The following TTC29 variants were observed in gnomAD, a reference collection of about 807,000 sequenced individuals.
TTC29 encodes the protein tetratricopeptide repeat protein 29.
Under a neutral mutation model 58.1 loss-of-function variants are expected in TTC29, and 49 were observed. That is an observed-to-expected ratio of 0.84 (90% confidence interval 0.67 to 1.07). TTC29 has a LOEUF of 1.07. TTC29 is among the 50% of genes least tolerant of loss of function. TTC29 has a pLI of 0.00. For synonymous variants in TTC29, 209 were observed against 196.8 expected (o/e 1.06, Z -0.52); for missense variants, 582 against 555.6 (o/e 1.05, Z -0.48).
intron 8 of TTC29, among the ~76,000 whole-genome samples, chr4:146,836,858 G>A (rs563611494): frequency 2.0e-5 from 3 of 152,194 alleles, no homozygotes; most frequent in African/African-American, 7.2e-5. Context: ...TGCTGGCAAA[G>A]GTTGTGGAGA....
intron 10 of TTC29, among the ~76,000 whole-genome samples, chr4:146,804,075 A>C (rs939372302): frequency 1.3e-5 from 2 of 152,140 alleles, no homozygotes; most frequent in Admixed American, 6.5e-5. Context: ...AGTGTTAGAC[A>C]GTGGGTGCAG....
intron 2 of TTC29, among the ~76,000 whole-genome samples, chr4:146,943,168 GCTTT>G (rs1482274886): frequency 5.1e-5 from 4 of 79,058 alleles, no homozygotes; most frequent in Admixed American, 1.7e-4. Context: ...GATCAACTGT[GCTTT>G]TTTTTTTTTT....
At chr4:146,745,471 T>C (rs897509507) in intron 11 of TTC29, among the ~76,000 whole-genome samples, 1 of 152,200 alleles carries the variant, frequency 6.6e-6, no homozygotes, top group Non-Finnish European at 1.5e-5. Flanking sequence ...GTGCAGCAAA[T>C]AAAGTTTGGC....
At chr4:146,801,688 A>G (rs749981840) in intron 11 of TTC29, among the ~76,000 whole-genome samples, 3 of 152,142 alleles carry the variant, frequency 2.0e-5, no homozygotes, top group Non-Finnish European at 4.4e-5. Context: ...ATAAAGAAAA[A>G]CAAAAGAGCA....
intron 4 of TTC29, among the ~76,000 whole-genome samples, chr4:146,933,539 G>A (rs1735509862): frequency 6.6e-6 from 1 of 152,204 alleles, no homozygotes; most frequent in East Asian, 1.9e-4. Flanking sequence ...CAGAAGTACA[G>A]AAACTCTTCG....
At chr4:146,794,962 G>T (rs1037128446) in intron 11 of TTC29, among the ~76,000 whole-genome samples, 1 of 152,016 alleles carries the variant, frequency 6.6e-6, no homozygotes, top group African/African-American at 2.4e-5. Flanking sequence ...CATATTAGAG[G>T]TTAATAAATG....
At chr4:146,831,313 G>A (rs1365640944) in intron 9 of TTC29, among the ~76,000 whole-genome samples, 1 of 152,000 alleles carries the variant, frequency 6.6e-6, no homozygotes, top group Non-Finnish European at 1.5e-5. Flanking sequence ...GGCCCAGGCT[G>A]GTCTCAAACT....
intron 10 of TTC29, among the ~76,000 whole-genome samples, chr4:146,809,770 G>A (rs1468966032): frequency 2.0e-5 from 3 of 149,932 alleles, no homozygotes; most frequent in Non-Finnish European, 3.0e-5. Context: ...AACAACAGAT[G>A]CCGGAGAGAA....
chr4:146,755,821 A>T (rs1746400850), intron 11 of TTC29, among the ~76,000 whole-genome samples: 1 of 152,116 alleles, frequency 6.6e-6, no homozygotes, highest in Non-Finnish European at 1.5e-5. Context: ...ACAAAGTATG[A>T]CCCAAAACCA....
At chr4:146,850,559 C>T (rs554115631) in intron 8 of TTC29, among the ~76,000 whole-genome samples, 29 of 152,220 alleles carry the variant, frequency 1.9e-4, no homozygotes, top group Admixed American at 1.8e-3. Flanking sequence ...AATGACTTGC[C>T]CAAGGCCAAG....
intron 4 of TTC29, among the ~76,000 whole-genome samples, chr4:146,936,270 C>T (rs1735810200): frequency 6.6e-6 from 1 of 152,124 alleles, no homozygotes; most frequent in South Asian, 2.1e-4. Context: ...AATTTTTCTT[C>T]AGCCTGCACT....
intron 11 of TTC29, among the ~76,000 whole-genome samples, chr4:146,730,554 A>T (rs1744251310): frequency 6.6e-6 from 1 of 152,200 alleles, no homozygotes; most frequent in African/African-American, 2.4e-5. Context: ...TCACTTTAAC[A>T]GTTAAGGTTC....
chr4:146,776,290 A>G (rs1180690516), intron 11 of TTC29, among the ~76,000 whole-genome samples: 3 of 152,180 alleles, frequency 2.0e-5, no homozygotes, highest in Non-Finnish European at 1.5e-5. Context: ...TATTTCTGTC[A>G]TTTCAACCTT....
chr4:146,751,119 T>C (rs922692575), intron 11 of TTC29, among the ~76,000 whole-genome samples: 3 of 152,174 alleles, frequency 2.0e-5, no homozygotes, highest in African/African-American at 7.2e-5. Flanking sequence ...GATACAAAGA[T>C]GGTCACTATT....
At chr4:146,731,803 G>A (rs999532375) in intron 11 of TTC29, among the ~76,000 whole-genome samples, 1 of 152,200 alleles carries the variant, frequency 6.6e-6, no homozygotes, top group Non-Finnish European at 1.5e-5. Context: ...AGCAGGAAAT[G>A]CTGACACTTG....
intron 11 of TTC29, among the ~76,000 whole-genome samples, chr4:146,723,257 A>T (rs1399669705): frequency 6.6e-6 from 1 of 152,126 alleles, no homozygotes; most frequent in African/African-American, 2.4e-5. Flanking sequence ...AAAAAAAAAA[A>T]ATTAAATGTA....
chr4:146,873,087 C>T (rs1310770246), intron 7 of TTC29, among the ~76,000 whole-genome samples: 3 of 152,122 alleles, frequency 2.0e-5, no homozygotes, highest in African/African-American at 7.2e-5. Context: ...TGATGCTACA[C>T]TTGTGCATTA....
chr4:146,945,114 A>G (rs1736806494), intron 1 of TTC29, 37 bp from the exon 2 acceptor site: 1 of 152,224 alleles, frequency 6.6e-6, no homozygotes, highest in Non-Finnish European at 1.5e-5. Context: ...AGCAAAGAAG[A>G]AAAATTTAAA....
chr4:146,766,038 G>A (rs1747294618), intron 11 of TTC29, among the ~76,000 whole-genome samples: 1 of 152,042 alleles, frequency 6.6e-6, no homozygotes, highest in Non-Finnish European at 1.5e-5. Flanking sequence ...CTGGGAAGCA[G>A]AGAGGTCTTG....
Sources: gnomAD v4.1 joint callset for allele counts (sites outside exome capture counted in the v4.1 genomes callset) on GRCh38, gnomAD v4.1.1 for gene constraint, MANE v1.5 for transcripts, NCBI Gene and HGNC (gene_info 2026-07-23, HGNC 2026-07-21) for gene names.